The following ERBB4 variants were observed in gnomAD, a reference collection of about 807,000 sequenced individuals.
ERBB4 encodes erb-b2 receptor tyrosine kinase 4.
Under a neutral mutation model 158.0 loss-of-function variants are expected in ERBB4, and 42 were observed. That is an observed-to-expected ratio of 0.27 (90% CI 0.21 to 0.34). The LOEUF is 0.34. ERBB4 is among the 10% of genes least tolerant of loss of function. ERBB4 has a pLI of 1.00. For missense variants in ERBB4, 1,333 were observed against 1,624.1 expected (o/e 0.82, Z 3.08); for synonymous variants, 583 against 558.7 (o/e 1.04, Z -0.61).
chr2:211,684,290 A>G (rs768742525), intron 12 of ERBB4, among the ~76,000 whole-genome samples: 37 of 152,174 alleles, frequency 2.4e-4, no homozygotes, highest in Middle Eastern at 6.8e-3. Flanking sequence ...GATCTCTACT[A>G]AAAATACAAA....
intron 1 of ERBB4, among the ~76,000 whole-genome samples, chr2:212,197,591 C>T (rs894445263): frequency 5.3e-5 from 8 of 152,124 alleles, no homozygotes; most frequent in Admixed American, 1.3e-4. Context: ...GTCTCTGAAT[C>T]CCACAATAAT....
rs141265755 is a variant in ERBB4 at position 211,916,372 on chromosome 2, G to T, written c.421+31058C>A. On this transcript the variant is annotated intron_variant, in intron 3 of 27. Coordinates refer to ENST00000342788, the MANE Select transcript of ERBB4 (RefSeq NM_005235.3). The stretch of plus-strand genomic sequence containing the variant: ...TTTTTGTATTTTTAGTGGAGACGGG[G>T]TTTCACCATGTTGGCTAGGCTGGTC... 5.9e-3 allele frequency among the ~76,000 whole-genome samples: 890 copies of T among 152,084 alleles called. 10 individuals carry two copies. Among genetic ancestry groups the T allele is most frequent in the African/African-American group, 0.02 (824 of 41,478 alleles).
At position 212,265,715 on chromosome 2, in the gene ERBB4, C is replaced by A. The variant is rs561839285; in HGVS notation, c.83-140812G>T. Among the ~76,000 whole-genome samples, 4 of 152,148 alleles carry A rather than the reference C, an allele frequency of 2.6e-5. No individual in the cohort carries two copies. The East Asian group carries it at 7.7e-4, about 29-fold the overall frequency. The stretch of plus-strand genomic sequence containing the variant: ...GAAAGCTGAATTTGCAAAATATACT[C>A]CATGATACAATAAAACCCTTCTCTG... On this transcript the variant is annotated intron_variant, in intron 1 of 27. Transcript: ENST00000342788.
At chr2:211,647,720 T>C (rs2070826812) in intron 16 of ERBB4, among the ~76,000 whole-genome samples, 1 of 151,776 alleles carries the variant, frequency 6.6e-6, no homozygotes, top group Admixed American at 6.6e-5. Context: ...CCCAATTCCC[T>C]GATTACTTAT....
intron 3 of ERBB4, among the ~76,000 whole-genome samples, chr2:211,930,643 C>A (rs76405527): frequency 5.3e-5 from 8 of 152,084 alleles, no homozygotes; most frequent in Admixed American, 5.3e-4. Context: ...ACACTATCAG[C>A]GATAGCCTAC....
At chr2:211,593,998 C>T (rs187303838) in intron 19 of ERBB4, among the ~76,000 whole-genome samples, 2 of 152,294 alleles carry the variant, frequency 1.3e-5, no homozygotes, top group East Asian at 1.9e-4. Flanking sequence ...CCTGGTATCT[C>T]TCTATGTCCA....
chr2:212,188,239 C>CT (rs1553585903), intron 1 of ERBB4, among the ~76,000 whole-genome samples: 2,018 of 14,372 alleles, frequency 0.14, 481 homozygotes, highest in African/African-American at 0.19. Context: ...TCTCTCCCCC[C>CT]CCCTCTCACC....
At chr2:211,871,110 T>G (rs1162558990) in intron 3 of ERBB4, among the ~76,000 whole-genome samples, 1 of 152,142 alleles carries the variant, frequency 6.6e-6, no homozygotes, top group Non-Finnish European at 1.5e-5. Context: ...CTTCCATTAA[T>G]AAATTTAAAC....
At chr2:212,087,447 G>A (rs777452987) in intron 2 of ERBB4, among the ~76,000 whole-genome samples, 3 of 152,030 alleles carry the variant, frequency 2.0e-5, no homozygotes, top group Non-Finnish European at 4.4e-5. Context: ...TCTGTCATCA[G>A]TCTTTGTTTC....
intron 2 of ERBB4, among the ~76,000 whole-genome samples, chr2:212,027,006 A>C (rs2076788452): frequency 6.6e-6 from 1 of 151,926 alleles, no homozygotes; most frequent in Admixed American, 6.6e-5. Flanking sequence ...ACAAATAATA[A>C]TTTGTAATAT....
At chr2:211,691,611 T>A (rs1328944306) in intron 12 of ERBB4, among the ~76,000 whole-genome samples, 1 of 149,826 alleles carries the variant, frequency 6.7e-6, no homozygotes, top group Admixed American at 6.7e-5. Flanking sequence ...TGTATATATA[T>A]AACAGATTGC....
At chr2:211,991,102 A>G (rs1156538107) in intron 2 of ERBB4, among the ~76,000 whole-genome samples, 5 of 152,194 alleles carry the variant, frequency 3.3e-5, no homozygotes, top group African/African-American at 9.6e-5. Context: ...TATAGCTGAC[A>G]TAGTAGGGCT....
intron 20 of ERBB4, among the ~76,000 whole-genome samples, chr2:211,456,780 C>T (rs1480102993): frequency 2.0e-5 from 3 of 152,038 alleles, no homozygotes; most frequent in African/African-American, 4.8e-5. Flanking sequence ...TTAGATCCCT[C>T]GCATGCACAG....
intron 1 of ERBB4, among the ~76,000 whole-genome samples, chr2:212,488,106 T>TAACCTCCA (rs1690073844): frequency 6.6e-6 from 1 of 152,134 alleles, no homozygotes; most frequent in Non-Finnish European, 1.5e-5. Context: ...AGTTCACTGA[T>TAACCTCCA]AACCTCCAAA....
At chr2:211,643,717 C>T (rs559976471) in intron 16 of ERBB4, among the ~76,000 whole-genome samples, 18 of 151,946 alleles carry the variant, frequency 1.2e-4, no homozygotes, top group African/African-American at 1.9e-4. Context: ...CTAGGCTTTA[C>T]GTGTATCAGA....
intron 2 of ERBB4, among the ~76,000 whole-genome samples, chr2:211,965,213 A>G: frequency 6.6e-6 from 1 of 152,204 alleles, no homozygotes; most frequent in East Asian, 1.9e-4. Flanking sequence ...AATACTGAAA[A>G]TATTATGCTT....
intron 5 of ERBB4, among the ~76,000 whole-genome samples, chr2:211,746,306 T>C (rs1158963469): frequency 6.6e-6 from 1 of 152,118 alleles, no homozygotes; most frequent in Non-Finnish European, 1.5e-5. Flanking sequence ...AAAATAAAAT[T>C]TGTACTTGCT....
chr2:211,975,786 T>C (rs1411405855), intron 2 of ERBB4, among the ~76,000 whole-genome samples: 1 of 152,146 alleles, frequency 6.6e-6, no homozygotes, highest in Non-Finnish European at 1.5e-5. Flanking sequence ...TAAATGCCAA[T>C]GAATTTATTA....
chr2:212,169,835 G>T (rs6741280), intron 1 of ERBB4, among the ~76,000 whole-genome samples: 91,974 of 152,002 alleles, frequency 0.61, 28,906 homozygotes, highest in African/African-American at 0.67. Flanking sequence ...CTCACCTGCT[G>T]CCATGTAAGA....
Sources: allele counts gnomAD v4.1 joint callset (sites outside exome capture counted in the v4.1 genomes callset), GRCh38; gene constraint gnomAD v4.1.1; transcripts MANE v1.5; gene names NCBI Gene and HGNC (gene_info 2026-07-23, HGNC 2026-07-21).